The following NCOA2 variants were observed in gnomAD, a reference collection of about 807,000 sequenced individuals.
NCOA2 encodes class E basic helix-loop-helix protein 75.
In NCOA2, 21 loss-of-function variants were observed where a neutral mutation model predicts 145.1. The ratio of observed to expected loss-of-function variants is 0.14; its 90% CI spans 0.10 to 0.21. The LOEUF is 0.21. Among genes scored for constraint, NCOA2 ranks in the 10% least tolerant of loss-of-function variants. The pLI is 1.00. For synonymous variants in NCOA2, 619 were observed against 637.5 expected (o/e 0.97, Z 0.44); for missense variants, 1,472 against 1,837.6 (o/e 0.80, Z 3.64).
intron 2 of NCOA2, among the ~76,000 whole-genome samples, chr8:70,244,148 C>T (rs1388252387): frequency 6.6e-6 from 1 of 152,070 alleles, no homozygotes; most frequent in Non-Finnish European, 1.5e-5. Flanking sequence ...GAACTGTATA[C>T]AGTATAGTTT....
At chr8:70,354,999 G>C (rs2130890146) in intron 1 of NCOA2, among the ~76,000 whole-genome samples, 1 of 152,330 alleles carries the variant, frequency 6.6e-6, no homozygotes, top group Non-Finnish European at 1.5e-5. Flanking sequence ...TCGAATGTTT[G>C]CTTTGTCAGC....
At chr8:70,341,554 T>C (rs1368408064) in intron 1 of NCOA2, among the ~76,000 whole-genome samples, 1 of 152,184 alleles carries the variant, frequency 6.6e-6, no homozygotes, top group Non-Finnish European at 1.5e-5. Flanking sequence ...ATAACTAAAG[T>C]TGGTAAAACT....
intron 2 of NCOA2, among the ~76,000 whole-genome samples, chr8:70,257,890 A>G (rs946878492): frequency 4.0e-5 from 6 of 151,686 alleles, no homozygotes; most frequent in Non-Finnish European, 7.4e-5. Context: ...CAAAAAAAAA[A>G]AAAGAAAGAT....
At chr8:70,412,580 A>C in the NCOA2 span, among the ~76,000 whole-genome samples, 1 of 144,640 alleles carries the variant, frequency 6.9e-6, no homozygotes, top group Non-Finnish European at 1.5e-5. Context: ...CCAAGGAGGC[A>C]GAGGTTGCAG....
At chr8:70,235,673 G>A (rs555860219) in intron 2 of NCOA2, among the ~76,000 whole-genome samples, 1 of 152,016 alleles carries the variant, frequency 6.6e-6, no homozygotes, top group African/African-American at 2.4e-5. Flanking sequence ...ACAAGACCTT[G>A]TCTCTACAAA....
At chr8:70,324,334 G>GT (rs551560454) in intron 1 of NCOA2, among the ~76,000 whole-genome samples, 19 of 151,750 alleles carry the variant, frequency 1.3e-4, no homozygotes, top group African/African-American at 3.6e-4. Context: ...TAATATCTTT[G>GT]TTTTTTTTAG....
At chr8:70,189,335 C>CA (rs1406382747) in intron 4 of NCOA2, among the ~76,000 whole-genome samples, 2 of 152,194 alleles carry the variant, frequency 1.3e-5, no homozygotes, top group African/African-American at 4.8e-5. Context: ...TCTGTGCTTC[C>CA]ACAACATGTC....
At chr8:70,240,105 G>C (rs1057346838) in intron 2 of NCOA2, among the ~76,000 whole-genome samples, 1 of 152,086 alleles carries the variant, frequency 6.6e-6, no homozygotes, top group Non-Finnish European at 1.5e-5. Flanking sequence ...TGTTGAGAAG[G>C]GCAGCCCTAT....
chr8:70,192,328 GA>G (rs143456331), intron 4 of NCOA2, among the ~76,000 whole-genome samples: 2 of 151,874 alleles, frequency 1.3e-5, no homozygotes, highest in Non-Finnish European at 2.9e-5. Context: ...CAGAGGAGGG[GA>G]AAAAAAAGAA....
chr8:70,386,973 T>C (rs527572419), intron 1 of NCOA2, among the ~76,000 whole-genome samples: 172 of 152,282 alleles, frequency 1.1e-3, no homozygotes, highest in African/African-American at 4.0e-3. Context: ...TGCAGTGGCA[T>C]GATCATGGCT....
chr8:70,175,992 T>C (rs1176862923), intron 4 of NCOA2, among the ~76,000 whole-genome samples: 1 of 152,072 alleles, frequency 6.6e-6, no homozygotes, highest in African/African-American at 2.4e-5. Flanking sequence ...GCCATTCCCA[T>C]GACAAAGCTT....
At chr8:70,305,900 G>A (rs1360202602) in intron 1 of NCOA2, among the ~76,000 whole-genome samples, 1 of 152,184 alleles carries the variant, frequency 6.6e-6, no homozygotes, top group East Asian at 1.9e-4. Flanking sequence ...TACCTGTGGA[G>A]TAGTTAGTAC....
intron 9 of NCOA2, among the ~76,000 whole-genome samples, chr8:70,162,188 C>A (rs1023529814): frequency 6.6e-6 from 1 of 152,308 alleles, no homozygotes; most frequent in Middle Eastern, 3.4e-3. Context: ...GCTGTTATTA[C>A]TGAAGTCTTG....
chr8:70,318,416 T>C (rs1022087733), intron 1 of NCOA2, among the ~76,000 whole-genome samples: 1 of 152,210 alleles, frequency 6.6e-6, no homozygotes, highest in African/African-American at 2.4e-5. Flanking sequence ...TGAATCCTCC[T>C]CTGTGGCTCC....
the NCOA2 span, among the ~76,000 whole-genome samples, chr8:70,422,646 A>C: frequency 6.6e-6 from 1 of 152,020 alleles, no homozygotes; most frequent in African/African-American, 2.4e-5. Context: ...CCTGGGCTCA[A>C]GCAATCTTCC....
In NCOA2 at chr8:70,297,977, A is replaced by G. The variant is rs149887601; in HGVS notation, c.-76-1177T>C. 5.9e-3 allele frequency among the ~76,000 whole-genome samples: 898 copies of G among 152,312 alleles called. 5 individuals carry two copies. Among genetic ancestry groups the G allele is most frequent in the African/African-American group, 0.02 (834 of 41,566 alleles). On this transcript the variant is annotated intron_variant, in intron 1 of 22. Transcript: ENST00000452400. ...AAAAGTGGCTTGATTGCTACTAGTA[A>G]CGATACTGAAAATGTATCTCTTTTT...
At chr8:70,389,240 T>C (rs921374932) in intron 1 of NCOA2, among the ~76,000 whole-genome samples, 1 of 152,152 alleles carries the variant, frequency 6.6e-6, no homozygotes, top group African/African-American at 2.4e-5. Context: ...AGCCACTCAG[T>C]GTGCAACTCC....
chr8:70,212,100 T>TATATATATATATATA (rs1563628128), intron 4 of NCOA2, among the ~76,000 whole-genome samples: 5 of 148,012 alleles, frequency 3.4e-5, no homozygotes, highest in African/African-American at 1.0e-4. Context: ...TATATATATA[T>TATATATATATATATA]TTGTTTTGAA....
At chr8:70,337,924 G>C (rs1431654628) in intron 1 of NCOA2, among the ~76,000 whole-genome samples, 2 of 152,122 alleles carry the variant, frequency 1.3e-5, no homozygotes, top group Non-Finnish European at 2.9e-5. Context: ...CAGAATCTCT[G>C]GGATGCAGCT....
Sources: gnomAD v4.1 joint callset for allele counts (sites outside exome capture counted in the v4.1 genomes callset) on GRCh38, gnomAD v4.1.1 for gene constraint, MANE v1.5 for transcripts, NCBI Gene and HGNC (gene_info 2026-07-23, HGNC 2026-07-21) for gene names.